Variants in FGF14 observed in about 807,000 individuals in gnomAD.
FGF14 encodes the protein fibroblast growth factor homologous factor 4.
A neutral mutation model predicts 25.5 loss-of-function variants in FGF14; 5 were observed. The observed-to-expected ratio is 0.20, with a 90% CI of 0.10 to 0.41. The LOEUF is 0.41. Ranked by LOEUF, FGF14 falls within the 10% of genes least tolerant of loss-of-function variation. The pLI, the probability that FGF14 is intolerant of heterozygous loss-of-function variation, is 1.00. For missense variants in FGF14, 222 were observed against 320.1 expected (o/e 0.69, Z 2.34); for synonymous variants, 138 against 118.3 (o/e 1.17, Z -1.08).
intron 3 of FGF14, among the ~76,000 whole-genome samples, chr13:101,795,874 T>C (rs1429827004): frequency 6.6e-6 from 1 of 152,140 alleles, no homozygotes; most frequent in East Asian, 1.9e-4. Flanking sequence ...TTAGACAGTA[T>C]TCTATTAAGC....
chr13:101,915,225 AG>A (rs2033344715), intron 1 of FGF14, among the ~76,000 whole-genome samples: 1 of 152,200 alleles, frequency 6.6e-6, no homozygotes, highest in African/African-American at 2.4e-5. Context: ...TAAAATATTC[AG>A]CATTAGCCTT....
intron 1 of FGF14, among the ~76,000 whole-genome samples, chr13:102,230,088 G>T (rs1217881822): frequency 6.6e-6 from 1 of 152,118 alleles, no homozygotes; most frequent in Non-Finnish European, 1.5e-5. Context: ...GGTCAAGAGG[G>T]CAGAGCCCTC....
intron 1 of FGF14, among the ~76,000 whole-genome samples, chr13:102,150,251 T>A (rs1389931203): frequency 6.6e-6 from 1 of 151,878 alleles, no homozygotes; most frequent in Non-Finnish European, 1.5e-5. Context: ...AAGCCCTAAA[T>A]GTCTACATTC....
chr13:102,210,481 G>C (rs554705135), intron 1 of FGF14, among the ~76,000 whole-genome samples: 1 of 152,214 alleles, frequency 6.6e-6, no homozygotes, highest in South Asian at 2.1e-4. Flanking sequence ...ATTTAAATTT[G>C]TGATATAAAT....
intron 1 of FGF14, among the ~76,000 whole-genome samples, chr13:102,068,896 G>C (rs979751108): frequency 5.9e-5 from 9 of 151,954 alleles, no homozygotes; most frequent in Admixed American, 4.6e-4. Flanking sequence ...TCCACCTGCA[G>C]CCCCAGTGCA....
chr13:102,343,849 C>T (rs562037484), intron 1 of FGF14, among the ~76,000 whole-genome samples: 10 of 152,226 alleles, frequency 6.6e-5, no homozygotes, highest in South Asian at 2.1e-4. Flanking sequence ...ATTTTTCAAG[C>T]GGCTGTTATG....
chr13:102,117,423 T>A (rs2045523930), intron 1 of FGF14, among the ~76,000 whole-genome samples: 1 of 152,194 alleles, frequency 6.6e-6, no homozygotes. Context: ...GTGAGCCAAT[T>A]CACAATCCTA....
At chr13:101,885,899 C>T (rs566545977) in intron 1 of FGF14, among the ~76,000 whole-genome samples, 1 of 152,230 alleles carries the variant, frequency 6.6e-6, no homozygotes, top group Non-Finnish European at 1.5e-5. Flanking sequence ...TATTCCCATG[C>T]CTGTTTTTGG....
chr13:101,954,862 C>A (rs1355701826), intron 1 of FGF14, among the ~76,000 whole-genome samples: 5 of 152,234 alleles, frequency 3.3e-5, no homozygotes, highest in Non-Finnish European at 7.3e-5. Context: ...TTAAACATCT[C>A]AGCTAACAGA....
intron 1 of FGF14, among the ~76,000 whole-genome samples, chr13:102,070,478 C>CT (rs894628180): frequency 5.0e-4 from 76 of 152,224 alleles, no homozygotes; most frequent in African/African-American, 1.7e-3. Flanking sequence ...TTGGAGGTTC[C>CT]TCAAAAAACT....
intron 3 of FGF14, among the ~76,000 whole-genome samples, chr13:101,822,796 C>A (rs1306555669): frequency 2.0e-5 from 3 of 152,066 alleles, no homozygotes; most frequent in Non-Finnish European, 4.4e-5. Context: ...GTATAGTCAC[C>A]ATATTGTGAT....
chr13:102,071,979 A>G (rs2043173812), intron 1 of FGF14, among the ~76,000 whole-genome samples: 3 of 152,230 alleles, frequency 2.0e-5, no homozygotes, highest in Non-Finnish European at 4.4e-5. Flanking sequence ...CATATAAAAA[A>G]GTAAATGGAA....
chr13:102,127,653 CTTTT>C (rs1182126840), intron 1 of FGF14, among the ~76,000 whole-genome samples: 1 of 152,140 alleles, frequency 6.6e-6, no homozygotes, highest in Admixed American at 6.6e-5. Context: ...ATGTTCTATT[CTTTT>C]TGTTACAAGT....
At chr13:102,048,040 TG>T (rs1021055800) in intron 1 of FGF14, among the ~76,000 whole-genome samples, 3 of 151,526 alleles carry the variant, frequency 2.0e-5, no homozygotes, top group Admixed American at 6.6e-5. Context: ...AAGCAGCAGT[TG>T]ATATAAACTT....
chr13:101,943,455 C>T (rs568645632), intron 1 of FGF14, among the ~76,000 whole-genome samples: 2 of 152,236 alleles, frequency 1.3e-5, no homozygotes, highest in African/African-American at 2.4e-5. Flanking sequence ...GTGTTACTGA[C>T]ATCTAGTTGG....
intron 3 of FGF14, among the ~76,000 whole-genome samples, chr13:101,829,031 T>C (rs9518579): frequency 0.34 from 52,392 of 152,006 alleles, 10,042 homozygotes; most frequent in East Asian, 0.59. Context: ...GCTGTGTTTC[T>C]GGTGTTTCCA....
chr13:101,943,039 A>G (rs775735531), intron 1 of FGF14, among the ~76,000 whole-genome samples: 5 of 152,178 alleles, frequency 3.3e-5, no homozygotes, highest in Admixed American at 2.0e-4. Context: ...TCCCATAGCC[A>G]TGGTGTTTAC....
chr13:102,225,009 G>A (rs890311116), intron 1 of FGF14, among the ~76,000 whole-genome samples: 2 of 152,042 alleles, frequency 1.3e-5, no homozygotes, highest in African/African-American at 4.8e-5. Flanking sequence ...CTGAAGAGGA[G>A]CCCTTCTGAG....
chr13:102,326,806 T>C (rs1045677078), intron 1 of FGF14, among the ~76,000 whole-genome samples: 3 of 151,290 alleles, frequency 2.0e-5, no homozygotes, highest in Non-Finnish European at 4.4e-5. Context: ...GAAGGAAATA[T>C]ATATGAGCAA....
Sources: allele counts gnomAD v4.1 joint callset (sites outside exome capture counted in the v4.1 genomes callset), GRCh38; gene constraint gnomAD v4.1.1; transcripts MANE v1.5; gene names NCBI Gene and HGNC (gene_info 2026-07-23, HGNC 2026-07-21).